The following SRPK2 variants were observed in gnomAD, a reference collection of about 807,000 sequenced individuals.
SRPK2 encodes SRSF protein kinase 2.
SRPK2 carries 21 observed loss-of-function variants against 90.8 expected under a neutral mutation model. That is an observed-to-expected ratio of 0.23 (90% CI 0.16 to 0.33). SRPK2 has a LOEUF of 0.33. Among genes scored for constraint, SRPK2 ranks in the 10% least tolerant of loss-of-function variants. SRPK2 has a pLI of 1.00. For synonymous variants in SRPK2, 288 were observed against 311.1 expected, an observed-to-expected ratio of 0.93 and a Z score of 0.78; for missense variants, 620 against 869.0, an observed-to-expected ratio of 0.71 and a Z score of 3.60.
chr7:105,259,141 T>A (rs1563158303), intron 2 of SRPK2, among the ~76,000 whole-genome samples: 1 of 152,214 alleles, frequency 6.6e-6, no homozygotes. Flanking sequence ...CAAAACCCTA[T>A]CATCTCAGCC....
At chr7:105,294,557 A>G (rs147202800) in intron 2 of SRPK2, among the ~76,000 whole-genome samples, 2,657 of 151,650 alleles carry the variant, frequency 0.018, 27 homozygotes, top group Non-Finnish European at 0.025. Context: ...TTTGAAATGG[A>G]GTCTCTGTGT....
chr7:105,149,777 G>A (rs1242005988), intron 7 of SRPK2, among the ~76,000 whole-genome samples: 1 of 152,150 alleles, frequency 6.6e-6, no homozygotes. Flanking sequence ...ATTATGAAGT[G>A]AGAGGGAACA....
At chr7:105,206,995 A>G (rs193232319) in intron 2 of SRPK2, among the ~76,000 whole-genome samples, 43 of 152,332 alleles carry the variant, frequency 2.8e-4, no homozygotes, top group Non-Finnish European at 5.0e-4. Context: ...TTCATCACAG[A>G]AAGTCTCAGT....
At chr7:105,361,490 G>A (rs1172113343) in intron 2 of SRPK2, among the ~76,000 whole-genome samples, 1 of 152,078 alleles carries the variant, frequency 6.6e-6, no homozygotes, top group East Asian at 1.9e-4. Context: ...AGTTCATACG[G>A]AACCAAAAAA....
chr7:105,154,289 T>A (rs1025038315), intron 7 of SRPK2, among the ~76,000 whole-genome samples: 4 of 152,200 alleles, frequency 2.6e-5, no homozygotes, highest in Non-Finnish European at 5.9e-5. Context: ...CCTCACCACA[T>A]TTCCTGAGTC....
chr7:105,378,483 G>T (rs1182731961), intron 2 of SRPK2, among the ~76,000 whole-genome samples: 9 of 152,084 alleles, frequency 5.9e-5, no homozygotes. Flanking sequence ...AAAAGATGTT[G>T]GCTGGGCCTG....
chr7:105,339,238 CA>C (rs1029624696), intron 2 of SRPK2, among the ~76,000 whole-genome samples: 20 of 152,110 alleles, frequency 1.3e-4, no homozygotes, highest in African/African-American at 4.6e-4. Flanking sequence ...GTTCTATGCC[CA>C]AAATACATGC....
intron 2 of SRPK2, among the ~76,000 whole-genome samples, chr7:105,291,400 G>A (rs1012935913): frequency 6.6e-6 from 1 of 151,992 alleles, no homozygotes; most frequent in Non-Finnish European, 1.5e-5. Context: ...AAGACAGAGG[G>A]AAGGCCGGAC....
chr7:105,312,210 G>T (rs144082901), intron 2 of SRPK2, among the ~76,000 whole-genome samples: 2 of 152,196 alleles, frequency 1.3e-5, no homozygotes, highest in Non-Finnish European at 2.9e-5. Context: ...GGGAGGCCAA[G>T]GTGGGGGGAT....
chr7:105,383,550 A>G (rs1821202484), intron 2 of SRPK2, among the ~76,000 whole-genome samples: 1 of 151,516 alleles, frequency 6.6e-6, no homozygotes, highest in African/African-American at 2.4e-5. Flanking sequence ...CCTCCCGAGT[A>G]GCTGGAACTG....
At chr7:105,160,907 C>G (rs905143378) in intron 6 of SRPK2, among the ~76,000 whole-genome samples, 25 of 152,160 alleles carry the variant, frequency 1.6e-4, no homozygotes, top group Admixed American at 5.2e-4. Flanking sequence ...TATACATAAC[C>G]TATTCACATC....
intron 2 of SRPK2, among the ~76,000 whole-genome samples, chr7:105,249,792 T>C (rs1790447255): frequency 6.6e-6 from 1 of 152,192 alleles, no homozygotes; most frequent in Non-Finnish European, 1.5e-5. Context: ...ATAAAAAATA[T>C]TAAAATGCTA....
intron 7 of SRPK2, among the ~76,000 whole-genome samples, chr7:105,153,085 G>C (rs1805961034): frequency 2.0e-5 from 3 of 152,128 alleles, no homozygotes; most frequent in African/African-American, 7.2e-5. Flanking sequence ...AGGCAGCAGA[G>C]ATCCTTTGGC....
At chr7:105,139,920 G>A (rs888425247) in intron 11 of SRPK2, among the ~76,000 whole-genome samples, 1 of 151,340 alleles carries the variant, frequency 6.6e-6, no homozygotes, top group Non-Finnish European at 1.5e-5. Flanking sequence ...GTCTGCAGGG[G>A]AACTGGTTCC....
chr7:105,236,644 A>T (rs1377917748), intron 2 of SRPK2, among the ~76,000 whole-genome samples: 2 of 152,140 alleles, frequency 1.3e-5, no homozygotes, highest in Admixed American at 1.3e-4. Context: ...TTGACACACA[A>T]AACAAACACC....
chr7:105,364,484 G>A (rs1053559615), intron 2 of SRPK2, among the ~76,000 whole-genome samples: 1 of 148,326 alleles, frequency 6.7e-6, no homozygotes, highest in Non-Finnish European at 1.5e-5. Context: ...CACTGCAACC[G>A]CCACCTCCCA....
At position 105,349,382 on chromosome 7, in the gene SRPK2, C is replaced by A. The variant is rs186477108; in HGVS notation, c.71+39266G>T. ...TACTAAAAATACAAAATTAACTGGG[C>A]ATGGTGGCGCATGCCTGTAATCCCA... On this transcript the variant is annotated intron_variant, in intron 2 of 15. Transcript: ENST00000393651. Among the ~76,000 whole-genome samples, 22 of 151,600 alleles carry A rather than the reference C, an allele frequency of 1.5e-4. No individual in the cohort carries two copies. In the East Asian group the frequency reaches 4.1e-3, roughly 29 times the overall value.
chr7:105,297,470 T>C (rs1158475518), intron 2 of SRPK2: 4 of 985,310 alleles, frequency 4.1e-6, no homozygotes, highest in Admixed American at 6.1e-5. Context: ...TTCCCTGATA[T>C]GGTGGCCATC....
rs561005128 is a variant in SRPK2, at chr7:105,286,883, G to A, written c.72-83098C>T. The stretch of plus-strand genomic sequence containing the variant: ...CTAGGAGAATCACACAAAGATGTTT[G>A]TCACATTGCTGTATGCAACAGCAAG... On this transcript the variant is annotated intron_variant, in intron 2 of 15. Transcript: ENST00000393651. Among the ~76,000 whole-genome samples, 5 of 152,148 alleles carry A rather than the reference G, an allele frequency of 3.3e-5. No homozygotes were observed. The South Asian group carries it at 6.2e-4, about 19-fold the overall frequency.
Sources: gnomAD v4.1 joint callset for allele counts (sites outside exome capture counted in the v4.1 genomes callset) on GRCh38, gnomAD v4.1.1 for gene constraint, MANE v1.5 for transcripts, NCBI Gene and HGNC (gene_info 2026-07-23, HGNC 2026-07-21) for gene names.